TLN2: variants seen among roughly 807,000 people sequenced by gnomAD.
TLN2 encodes the protein talin-2.
In TLN2, 118 loss-of-function variants were observed where a neutral mutation model predicts 294.7. The observed-to-expected ratio is 0.40, with a 90% confidence interval of 0.34 to 0.47. TLN2 has a LOEUF of 0.47. TLN2 is among the 20% of genes least tolerant of loss of function. The pLI, the probability that TLN2 is intolerant of heterozygous loss-of-function variation, is 0.84. For synonymous variants in TLN2, 1,431 were observed against 1,304.5 expected (o/e 1.10, Z -2.09); for missense variants, 3,083 against 3,282.2 (o/e 0.94, Z 1.48).
intron 1 of TLN2, among the ~76,000 whole-genome samples, chr15:62,446,957 C>G (rs1348367257): frequency 6.7e-6 from 1 of 149,740 alleles, no homozygotes; most frequent in Non-Finnish European, 1.5e-5. Flanking sequence ...TAACGTGGAT[C>G]ATCAGTTCTG....
intron 2 of TLN2, among the ~76,000 whole-genome samples, chr15:62,611,815 C>A (rs1176023847): frequency 6.6e-6 from 1 of 152,186 alleles, no homozygotes; most frequent in East Asian, 1.9e-4. Context: ...TGTCCTAGAA[C>A]CTTTCCCCCC....
chr15:62,597,707 T>A (rs1294408602), intron 2 of TLN2, among the ~76,000 whole-genome samples: 1 of 152,214 alleles, frequency 6.6e-6, no homozygotes, highest in Non-Finnish European at 1.5e-5. Flanking sequence ...TTTCATTTTT[T>A]TTTCCAGATT....
chr15:62,577,023 T>C (rs1055082357), intron 1 of TLN2, among the ~76,000 whole-genome samples: 3 of 152,222 alleles, frequency 2.0e-5, no homozygotes, highest in Non-Finnish European at 4.4e-5. Context: ...GCTGTGTCTT[T>C]CCTGGGTCAC....
At chr15:62,434,442 T>C (rs1189472321) in intron 1 of TLN2, among the ~76,000 whole-genome samples, 1 of 152,092 alleles carries the variant, frequency 6.6e-6, no homozygotes, top group Non-Finnish European at 1.5e-5. Flanking sequence ...CATTTGGGTC[T>C]TTTTTTTATC....
chr15:62,478,209 T>C (rs2037891202), intron 1 of TLN2, among the ~76,000 whole-genome samples: 1 of 152,152 alleles, frequency 6.6e-6, no homozygotes, highest in South Asian at 2.1e-4. Flanking sequence ...AGCGAGAGTG[T>C]GCAGTCAGGA....
chr15:62,671,227 GATTGT>G (rs1379163964), intron 9 of TLN2, among the ~76,000 whole-genome samples: 1 of 152,004 alleles, frequency 6.6e-6, no homozygotes, highest in East Asian at 1.9e-4. Flanking sequence ...CCATTCTATG[GATTGT>G]ATTTTCGCTT....
At chr15:62,392,248 CA>C (rs2032158808) in intron 1 of TLN2, among the ~76,000 whole-genome samples, 1 of 152,204 alleles carries the variant, frequency 6.6e-6, no homozygotes, top group Admixed American at 6.5e-5. Flanking sequence ...CAACTTAGGC[CA>C]GAATTCCTGT....
intron 1 of TLN2, among the ~76,000 whole-genome samples, chr15:62,500,182 A>G (rs1248118328): frequency 6.6e-6 from 1 of 152,000 alleles, no homozygotes; most frequent in Admixed American, 6.5e-5. Context: ...ACTAAAAAAT[A>G]CAAAAATTAG....
Position 62,841,324 on chromosome 15 carries a change from T to C in TLN2, c.*714T>C, listed in dbSNP as rs1304017648. 6.6e-6 allele frequency: 1 copy of C among 152,552 alleles called. No individual in the cohort carries two copies. The highest frequency in any genetic ancestry group is 1.5e-5 in the Non-Finnish European group (1 of 68,094). 9.4% of individuals were successfully genotyped at this position (152,552 alleles called of 1,614,324 possible). A position where few individuals can be genotyped will look rare whatever the true frequency, so the allele number is the denominator to read the frequency against. On this transcript the variant is annotated 3_prime_UTR_variant, in exon 59 of 59. Coordinates refer to ENST00000636159, the MANE Select transcript of TLN2 (RefSeq NM_015059.3). ...CCGTCGGGGCTTGGTGAGCAGGGGC[T>C]GTAATACAGTCTGTGGGCTCCTTAC...
chr15:62,843,856 G>A lies in TLN2; in HGVS notation c.*3246G>A, dbSNP rs1024075382. On this transcript the variant is annotated 3_prime_UTR_variant, in exon 59 of 59. Transcript: ENST00000636159. ...GGGAACTCACACGCTGACCCCCGAG[G>A]AGCCTTGGTTTCCTCCCTGGCAGAT... 2 of 152,154 alleles carry A rather than the reference G, an allele frequency of 1.3e-5. No homozygotes were observed. The highest frequency in any genetic ancestry group is 2.4e-5 in the African/African-American group (1 of 41,426). 9.4% of individuals were successfully genotyped at this position (152,154 alleles called of 1,614,324 possible). A position where few individuals can be genotyped will look rare whatever the true frequency, so the allele number is the denominator to read the frequency against.
intron 52 of TLN2, among the ~76,000 whole-genome samples, chr15:62,813,938 C>G (rs1336020120): frequency 6.6e-6 from 1 of 152,088 alleles, no homozygotes; most frequent in African/African-American, 2.4e-5. Context: ...CCTCAGCCTC[C>G]CAAGTAGCTG....
In TLN2 at chr15:62,468,670, G is replaced by A. The variant is rs550971718; in HGVS notation, c.-238+77985G>A. Among the ~76,000 whole-genome samples, 1,116 of 151,902 alleles carry A rather than the reference G, an allele frequency of 7.3e-3. 9 individuals are homozygous for A. Among genetic ancestry groups the A allele is most frequent in the Non-Finnish European group, 0.013 (875 of 67,982 alleles). ...TGAGGCAGGAGAATGGCGTGAACCCGGGAGGCGGAGCTTGCAGTGAGCTGA... is the reference window on the plus strand; with the variant it reads ...TGAGGCAGGAGAATGGCGTGAACCCAGGAGGCGGAGCTTGCAGTGAGCTGA... On this transcript the variant is annotated intron_variant, in intron 1 of 58. Coordinates refer to ENST00000636159, the MANE Select transcript of TLN2 (RefSeq NM_015059.3).
chr15:62,511,118 T>C (rs2039911795), intron 1 of TLN2, among the ~76,000 whole-genome samples: 1 of 152,244 alleles, frequency 6.6e-6, no homozygotes, highest in Admixed American at 6.5e-5. Flanking sequence ...CCTCCTGTGG[T>C]TGTACTGTTT....
intron 1 of TLN2, among the ~76,000 whole-genome samples, chr15:62,404,166 G>T (rs74613034): frequency 3.3e-5 from 5 of 152,174 alleles, no homozygotes; most frequent in Admixed American, 6.5e-5. Context: ...GTCATGTGTT[G>T]AGAGTTAGGG....
intron 1 of TLN2, among the ~76,000 whole-genome samples, chr15:62,547,214 T>C (rs2042043098): frequency 6.6e-6 from 1 of 152,248 alleles, no homozygotes; most frequent in African/African-American, 2.4e-5. Context: ...TTCTCTACTT[T>C]GTTGAAAAAC....
At chr15:62,472,010 A>G (rs2037503922) in intron 1 of TLN2, among the ~76,000 whole-genome samples, 1 of 152,134 alleles carries the variant, frequency 6.6e-6, no homozygotes, top group Admixed American at 6.5e-5. Context: ...CATTCAGAAT[A>G]AAGTTCCAAT....
intron 1 of TLN2, among the ~76,000 whole-genome samples, chr15:62,491,326 C>CAAAA (rs775626928): frequency 3.4e-3 from 339 of 98,792 alleles, no homozygotes; most frequent in African/African-American, 5.6e-3. Flanking sequence ...GACTCTGTCT[C>CAAAA]AAAAAAAAAA....
At chr15:62,489,878 C>T (rs1217895754) in intron 1 of TLN2, among the ~76,000 whole-genome samples, 2 of 152,198 alleles carry the variant, frequency 1.3e-5, no homozygotes, top group Non-Finnish European at 1.5e-5. Context: ...GTGAGTACCC[C>T]ATGTTGGAAT....
At chr15:62,689,995 C>T (rs374390136) in intron 12 of TLN2, among the ~76,000 whole-genome samples, 3 of 31,616 alleles carry the variant, frequency 9.5e-5, no homozygotes, top group African/African-American at 2.6e-4. Flanking sequence ...CCCTCCCGGA[C>T]GGGGCGGCTG....
Sources: allele counts gnomAD v4.1 joint callset (sites outside exome capture counted in the v4.1 genomes callset), GRCh38; gene constraint gnomAD v4.1.1; transcripts MANE v1.5; gene names NCBI Gene and HGNC (gene_info 2026-07-23, HGNC 2026-07-21).